ITPR2: variants seen among roughly 807,000 people sequenced by gnomAD.
The protein encoded by ITPR2 is inositol 1,4,5-trisphosphate receptor type 2, also known as inositol 1,4,5-trisphosphate-gated calcium channel ITPR2.
ITPR2 carries 207 observed loss-of-function variants against 317.1 expected under a neutral mutation model. The observed-to-expected ratio is 0.65, with a 90% CI of 0.58 to 0.73. The LOEUF (loss-of-function observed/expected upper bound fraction) is 0.73. Among genes scored for constraint, ITPR2 ranks in the 30% least tolerant of loss-of-function variants. The probability of loss-of-function intolerance (pLI) is 0.00; values close to 1 mark genes in which losing one functional copy is unlikely to be tolerated. For synonymous variants in ITPR2, 1,156 were observed against 1,149.1 expected (o/e 1.01, Z -0.12); for missense variants, 2,613 against 3,284.0 (o/e 0.80, Z 4.99).
At chr12:26,615,764 AAAAACTAATAGAAATGCAAGGGG>A (rs1946359797) in intron 26 of ITPR2, among the ~76,000 whole-genome samples, 1 of 152,244 alleles carries the variant, frequency 6.6e-6, no homozygotes, top group South Asian at 2.1e-4. Flanking sequence ...CACATGGAGT[AAAAACTAATAGAAATGCAAGGGG>A]AAATTGATAA....
At chr12:26,799,030 T>C (rs1950507831) in intron 1 of ITPR2, among the ~76,000 whole-genome samples, 1 of 152,244 alleles carries the variant, frequency 6.6e-6, no homozygotes, top group Admixed American at 6.5e-5. Flanking sequence ...TTTTTAGACA[T>C]GTCTAATTTC....
intron 54 of ITPR2, 34 bp from the exon 55 acceptor site, chr12:26,387,628 C>T (rs73079198): frequency 1.4e-4 from 220 of 1,594,272 alleles, no homozygotes; most frequent in Non-Finnish European, 1.7e-4. Flanking sequence ...ATATGTAATT[C>T]GTCATTTAAT....
At chr12:26,543,761 T>G (rs1459385728) in intron 37 of ITPR2, among the ~76,000 whole-genome samples, 1 of 152,230 alleles carries the variant, frequency 6.6e-6, no homozygotes, top group Admixed American at 6.5e-5. Context: ...AGAGCAAGAC[T>G]CTGTCTCAAA....
rs541342342 is a variant in ITPR2 at position 26,776,301 on chromosome 12, G to T, written c.163+13856C>A. 2.5e-4 allele frequency among the ~76,000 whole-genome samples: 38 copies of T among 152,134 alleles called. 1 individual carries two copies. Among genetic ancestry groups the T allele is most frequent in the Non-Finnish European group, 2.5e-4 (17 of 68,024 alleles). Reference sequence around the variant, plus strand: ...CCAAGGAACCTAATGAAGTTGGTTGGTTGCTCCTAAGTTCACTGGACAAAG... The same window carrying T: ...CCAAGGAACCTAATGAAGTTGGTTGTTTGCTCCTAAGTTCACTGGACAAAG... On this transcript the variant is annotated intron_variant, in intron 2 of 56. Transcript: ENST00000381340.
chr12:26,472,830 T>G (rs982546527), intron 45 of ITPR2, among the ~76,000 whole-genome samples: 14 of 152,322 alleles, frequency 9.2e-5, no homozygotes, highest in African/African-American at 2.9e-4. Context: ...TCTCAACATG[T>G]ATCATCGTCT....
Position 26,716,287 on chromosome 12 carries a change from T to C in ITPR2, c.526-45A>G. 2.4e-6 allele frequency: 3 copies of C among 1,259,020 alleles called. No individual in the cohort carries two copies. The South Asian group carries it at 3.6e-5, about 15-fold the overall frequency. The allele number at this position is 1,259,020 out of a possible 1,614,324, so 78.0% of individuals were successfully genotyped here. On this transcript the variant is annotated intron_variant, in intron 5 of 56. Transcript: ENST00000381340. Reference sequence around the variant, plus strand: ...CACAATTGAGACACTGCATGGATCTTTGGTGCTATATTCGAAGCTAGAAAT... The same window carrying C: ...CACAATTGAGACACTGCATGGATCTCTGGTGCTATATTCGAAGCTAGAAAT...
intron 45 of ITPR2, among the ~76,000 whole-genome samples, chr12:26,471,441 G>T (rs570074095): frequency 1.1e-3 from 171 of 152,132 alleles, no homozygotes; most frequent in Non-Finnish European, 1.3e-3. Context: ...AAGATAGAAA[G>T]TCAAAAAGTG....
intron 55 of ITPR2, among the ~76,000 whole-genome samples, chr12:26,384,961 T>C (rs1591980221): frequency 6.6e-6 from 1 of 152,206 alleles, no homozygotes; most frequent in Admixed American, 6.5e-5. Context: ...ATCTGACAGC[T>C]TCTATGGTCA....
chr12:26,570,895 T>C (rs1945141599), intron 34 of ITPR2, among the ~76,000 whole-genome samples: 1 of 152,306 alleles, frequency 6.6e-6, no homozygotes, highest in South Asian at 2.1e-4. Context: ...GTGAACACCA[T>C]GGTGTACATT....
chr12:26,717,880 A>G lies in ITPR2; in HGVS notation c.526-1638T>C, dbSNP rs564934673. ...AAACAAATGAAAGTCAACATGACAT[A>G]AGCATATTCCCAATCCCCATTCTCC... On this transcript the variant is annotated intron_variant, in intron 5 of 56. Transcript: ENST00000381340. Among the ~76,000 whole-genome samples, 5 of 152,350 alleles carry G rather than the reference A, an allele frequency of 3.3e-5. No homozygotes were observed. The South Asian group carries it at 1.0e-3, about 32-fold the overall frequency.
At chr12:26,694,342 T>C (rs1434523133) in intron 10 of ITPR2, among the ~76,000 whole-genome samples, 1 of 152,224 alleles carries the variant, frequency 6.6e-6, no homozygotes, top group Non-Finnish European at 1.5e-5. Flanking sequence ...CTTAGAAGCC[T>C]GTCCTCCCTA....
intron 13 of ITPR2, among the ~76,000 whole-genome samples, chr12:26,672,366 C>G (rs2136940464): frequency 6.6e-6 from 1 of 152,318 alleles, no homozygotes; most frequent in South Asian, 2.1e-4. Flanking sequence ...GACTACAGTG[C>G]AATCGAACTA....
rs1306679580 is a variant in ITPR2, at chr12:26,785,527, G to C, written c.163+4630C>G. On this transcript the variant is annotated intron_variant, in intron 2 of 56. Coordinates refer to ENST00000381340, the MANE Select transcript of ITPR2 (RefSeq NM_002223.4). ...CTGGGAAGTGAGGACCCCTCTGCCC[G>C]GCCAGCCGCCCCGTCCAGGAGGGAG... Among the ~76,000 whole-genome samples, 14 of 54,788 alleles carry C rather than the reference G, an allele frequency of 2.6e-4. 1 individual carries two copies. The highest frequency in any genetic ancestry group is 7.5e-4 in the African/African-American group (14 of 18,738). The allele number at this position is 54,788 out of a possible 152,430, so 35.9% of individuals were successfully genotyped here.
intron 37 of ITPR2, among the ~76,000 whole-genome samples, chr12:26,510,225 A>G (rs1943303158): frequency 6.6e-6 from 1 of 152,132 alleles, no homozygotes; most frequent in Admixed American, 6.5e-5. Context: ...GCATACTAAT[A>G]TGCTAGTCTT....
At chr12:26,494,424 T>C in intron 38 of ITPR2, 84 bp from the exon 39 acceptor site, 1 of 859,646 alleles carries the variant, frequency 1.2e-6, no homozygotes, top group Non-Finnish European at 1.7e-6. Context: ...AATTTTATTA[T>C]TTTAATAAAA....
intron 54 of ITPR2, among the ~76,000 whole-genome samples, chr12:26,397,114 G>T (rs1940026503): frequency 6.6e-6 from 1 of 151,848 alleles, no homozygotes; most frequent in African/African-American, 2.4e-5. Context: ...AATAGACCCT[G>T]CAGTGTTCTA....
chr12:26,473,367 G>A (rs1036360146), intron 45 of ITPR2, among the ~76,000 whole-genome samples: 3 of 152,122 alleles, frequency 2.0e-5, no homozygotes, highest in Admixed American at 6.5e-5. Context: ...CTGTCACTCT[G>A]CTGGCTCCAG....
intron 9 of ITPR2, 138 bp from the exon 10 acceptor site, chr12:26,695,788 A>C (rs1948334527): frequency 1.6e-6 from 1 of 626,160 alleles, no homozygotes; most frequent in Admixed American, 2.9e-5. Context: ...ACTATTAGTA[A>C]ATATGACAAT....
intron 35 of ITPR2, among the ~76,000 whole-genome samples, chr12:26,560,407 C>CT (rs1944782662): frequency 6.6e-6 from 1 of 152,094 alleles, no homozygotes; most frequent in Non-Finnish European, 1.5e-5. Flanking sequence ...CAGTAGCCTG[C>CT]TACCCTAGTT....
Sources: gnomAD v4.1 joint callset for allele counts (sites outside exome capture counted in the v4.1 genomes callset) on GRCh38, gnomAD v4.1.1 for gene constraint, MANE v1.5 for transcripts, NCBI Gene and HGNC (gene_info 2026-07-23, HGNC 2026-07-21) for gene names.